Variants in KCNT1 observed in about 807,000 individuals in gnomAD.
The protein encoded by KCNT1 is potassium channel subfamily T member 1.
Under a neutral mutation model 147.8 loss-of-function variants are expected in KCNT1, and 78 were observed. The ratio of observed to expected loss-of-function variants is 0.53; its 90% CI spans 0.44 to 0.64. The LOEUF is 0.64. KCNT1 is among the 30% of genes least tolerant of loss of function. KCNT1 has a pLI of 0.00. For missense variants in KCNT1, 1,419 were observed against 1,750.3 expected, an observed-to-expected ratio of 0.81 and a Z score of 3.38; for synonymous variants, 867 against 748.8, an observed-to-expected ratio of 1.16 and a Z score of -2.58.
chr9:135,719,909 C>A (rs575981292), intron 2 of KCNT1, among the ~76,000 whole-genome samples: 4 of 152,212 alleles, frequency 2.6e-5, no homozygotes, highest in African/African-American at 9.7e-5. Flanking sequence ...CAGGCTGTTT[C>A]ATTAGCTCCT....
rs1043585373 is a variant in KCNT1, at chr9:135,752,089, T to C, written c.434+1048T>C. On this transcript the variant is annotated intron_variant, in intron 4 of 30. Coordinates refer to ENST00000371757, the MANE Select transcript of KCNT1 (RefSeq NM_020822.3). The surrounding 1 kb of genome is among the most constrained non-coding windows in gnomAD (Gnocchi z 5.1). ...GTCTGGTGCCGTTTATGCGTAAGAG[T>C]GCTCAGGCGCTGAGGGGCTCTGCAG... The C allele has an allele frequency of 3.0e-5, 8 of 268,724 alleles. No homozygotes were observed. The highest frequency in any genetic ancestry group is 1.8e-4 in the African/African-American group (8 of 44,638). 16.6% of individuals were successfully genotyped at this position (268,724 alleles called of 1,614,324 possible). A position where few individuals can be genotyped will look rare whatever the true frequency, so the allele number is the denominator to read the frequency against.
chr9:135,777,256 T>C (rs1039311626), intron 20 of KCNT1, 82 bp from the exon 21 acceptor site: 1 of 1,438,194 alleles, frequency 7.0e-7, no homozygotes, highest in South Asian at 1.3e-5. Context: ...GGGGGATGTT[T>C]GGTGAGGGGT....
Position 135,757,234 on chromosome 9 carries a change from G to C in KCNT1, c.675+4G>C, listed in dbSNP as rs794727929. On this transcript the variant is annotated splice_donor_region_variant and intron_variant, in intron 8 of 30. Coordinates refer to ENST00000371757, the MANE Select transcript of KCNT1 (RefSeq NM_020822.3). ...CACTCTGCCCTTCATCATCACGGTG[G>C]GTGAGCCCCAGCTGCCAGGAGTGCG... 1 of 1,612,768 alleles carries C rather than the reference G, an allele frequency of 6.2e-7. No individual in the cohort carries two copies.
rs758931831 is a variant in KCNT1, at chr9:135,770,410, A to G, written c.1732A>G (p.Lys578Glu). 6.2e-7 allele frequency: 1 copy of G among 1,613,154 alleles called. No individual in the cohort carries two copies. The highest frequency in any genetic ancestry group is 8.5e-7 in the Non-Finnish European group (1 of 1,179,708). Residue 578 changes from lysine (K) to glutamate (E), a missense_variant, in exon 17 of 31, where the codon AAG becomes GAG. Coordinates refer to ENST00000371757, the MANE Select transcript of KCNT1 (RefSeq NM_020822.3). ...DSKFFREYEG[K>E]SFTYAAFHAH... ...CAAGTTCTTCCGCGAGTACGAGGGC[A>G]AGAGCTTCACCTACGCGGCCTTCCA...
intron 29 of KCNT1, 76 bp from the exon 30 acceptor site, chr9:135,791,721 C>G: frequency 7.8e-7 from 1 of 1,277,266 alleles, no homozygotes; most frequent in Non-Finnish European, 1.1e-6. Context: ...CTGGAGCCCC[C>G]ACACCTCTGG....
chr9:135,750,283 C>T lies in KCNT1; in HGVS notation c.334+106C>T, dbSNP rs1034102170. The T allele has an allele frequency of 4.7e-5, 41 of 873,654 alleles. 2 individuals are homozygous for T. The Middle Eastern group carries it at 1.1e-3, about 24-fold the overall frequency. The allele number at this position is 873,654 out of a possible 1,614,324, so 54.1% of individuals were successfully genotyped here. On this transcript the variant is annotated intron_variant, in intron 3 of 30. Coordinates refer to ENST00000371757, the MANE Select transcript of KCNT1 (RefSeq NM_020822.3). ...TGGGGCTGTGAGCTCAGGGAGAGTCCATGGGGTGGGAGCCACCTGAGTGCT... is the reference window on the plus strand; with the variant it reads ...TGGGGCTGTGAGCTCAGGGAGAGTCTATGGGGTGGGAGCCACCTGAGTGCT...
At chr9:135,721,066 C>T (rs529290154) in intron 2 of KCNT1, among the ~76,000 whole-genome samples, 2 of 152,324 alleles carry the variant, frequency 1.3e-5, no homozygotes, top group African/African-American at 4.8e-5. Context: ...GTCGGGGAAC[C>T]ATGCAGGGTG....
At chr9:135,777,622 G>A in intron 21 of KCNT1, 112 bp downstream of exon 21, 2 of 1,009,458 alleles carry the variant, frequency 2.0e-6, no homozygotes, top group Non-Finnish European at 2.9e-6. Context: ...CGGGAACATG[G>A]GGCCTCTGGC....
intron 2 of KCNT1, among the ~76,000 whole-genome samples, chr9:135,747,344 G>A (rs1325671684): frequency 2.0e-5 from 3 of 151,978 alleles, no homozygotes; most frequent in Admixed American, 2.0e-4. Context: ...CAGTGGTAGG[G>A]AGGCGGGGAG....
rs149022298 is a variant in KCNT1, at chr9:135,719,861, C to T, written c.254+5141C>T. On this transcript the variant is annotated intron_variant, in intron 2 of 30. Coordinates refer to ENST00000371757, the MANE Select transcript of KCNT1 (RefSeq NM_020822.3). ...ACAGAAAGCCCGGCCCCAGTGCAGG[C>T]CTCCCGGGGTCAGAACACTGCCCCA... is the stretch of plus-strand genomic sequence containing the variant. 7.9e-5 allele frequency among the ~76,000 whole-genome samples: 12 copies of T among 152,320 alleles called. No individual in the cohort carries two copies. In the East Asian group the frequency reaches 2.3e-3, roughly 29 times the overall value.
In KCNT1 at chr9:135,770,986, G is replaced by A. The variant is rs371135108; in HGVS notation, c.1899G>A (p.Ser633=). 221 of 1,613,792 alleles carry A rather than the reference G, an allele frequency of 1.4e-4. 1 individual carries two copies. The highest frequency in any genetic ancestry group is 4.4e-4 in the South Asian group (40 of 91,034). ...TCAACATCACCAAGGAGGAGAACTC[G>A]GCCTTCATCTTCAAGCAGGAGGAGA... ...FYINITKEEN[S]AFIFKQEEKR... Residue 633 remains serine, a synonymous_variant, in exon 18 of 31, where the codon TCG becomes TCA. Transcript: ENST00000371757.
intron 2 of KCNT1, among the ~76,000 whole-genome samples, chr9:135,727,300 TC>T (rs766294852): frequency 0.061 from 6,061 of 99,674 alleles, 353 homozygotes; most frequent in Non-Finnish European, 0.073. Flanking sequence ...TCCCTGTCCC[TC>T]TCTTTCCCAT....
chr9:135,779,534 C>A, intron 24 of KCNT1, 64 bp downstream of exon 24: 1 of 1,261,080 alleles, frequency 7.9e-7, no homozygotes, highest in Non-Finnish European at 1.2e-6. Flanking sequence ...GAGAAAGGGG[C>A]TCAGGGGAAA....
At chr9:135,737,012 G>A (rs1830371105) in intron 2 of KCNT1, 1 of 272,786 alleles carries the variant, frequency 3.7e-6, no homozygotes, top group Non-Finnish European at 6.9e-6. Flanking sequence ...ACACGGCGGG[G>A]CTGCAGGTGA....
At chr9:135,767,148 A>G (rs531114997) in intron 13 of KCNT1, among the ~76,000 whole-genome samples, 105 of 149,970 alleles carry the variant, frequency 7.0e-4, no homozygotes, top group African/African-American at 2.6e-3. Flanking sequence ...TCTCCTCATC[A>G]CTCCCCCTCC....
At position 135,758,577 on chromosome 9, in the gene KCNT1, C is replaced by G. The variant is rs528121973; in HGVS notation, c.854+69C>G. On this transcript the variant is annotated intron_variant, in intron 10 of 30. Coordinates refer to ENST00000371757, the MANE Select transcript of KCNT1 (RefSeq NM_020822.3). ...GGCCCGAGAGGCAAGCAGGGCCGGG[C>G]GAGGGGATACAGATGCCTATGTCCA... 58 of 1,258,422 alleles carry G rather than the reference C, an allele frequency of 4.6e-5. No homozygotes were observed. The African/African-American group carries it at 7.6e-4, about 17-fold the overall frequency. 78.0% of individuals were successfully genotyped at this position (1,258,422 alleles called of 1,614,324 possible). A position where few individuals can be genotyped will look rare whatever the true frequency, so the allele number is the denominator to read the frequency against.
Position 135,714,816 on chromosome 9 carries a change from C to T in KCNT1, c.254+96C>T. On this transcript the variant is annotated intron_variant, in intron 2 of 30. Coordinates refer to ENST00000371757, the MANE Select transcript of KCNT1 (RefSeq NM_020822.3). This position sits in a 1 kb window ranked among gnomAD's most constrained non-coding sequence, Gnocchi z 6.2. ...GGTGCTGACGGCCGGTCCCGCGCGC[C>T]CCCGCAGCCGCCGGCGCCCTTCAAC... 1.1e-6 allele frequency: 1 copy of T among 913,530 alleles called. No homozygotes were observed. Among genetic ancestry groups the T allele is most frequent in the Non-Finnish European group, 1.4e-6 (1 of 730,288 alleles). The allele number at this position is 913,530 out of a possible 1,614,324, so 56.6% of individuals were successfully genotyped here. A position where few individuals can be genotyped will look rare whatever the true frequency, so the allele number is the denominator to read the frequency against.
In KCNT1 at chr9:135,794,420, G is replaced by GGTGGCAA. The variant is rs905645205; in HGVS notation, c.*2266_*2272dup. ...AGTGGTCCGTTCCCTCCTGCACACT[G>GGTGGCAA]GTGGCAAGTGGCAGCATTTTTTCAT... On this transcript the variant is annotated 3_prime_UTR_variant, in exon 31 of 31. Transcript: ENST00000371757. 3.3e-5 allele frequency: 5 copies of GGTGGCAA among 152,252 alleles called. No individual in the cohort carries two copies. Among genetic ancestry groups the GGTGGCAA allele is most frequent in the Admixed American group, 3.3e-4 (5 of 15,286 alleles). The allele number at this position is 152,252 out of a possible 1,614,324, so 9.4% of individuals were successfully genotyped here.
Position 135,757,423 on chromosome 9 carries a change from A to C in KCNT1, c.759+42A>C, listed in dbSNP as rs974185561. ...GGTGCAGCTGGGACTTGGGGGGGCC[A>C]CCCTCAGCCTCACCGGCCCTGGAAG... On this transcript the variant is annotated intron_variant, in intron 9 of 30. Coordinates refer to ENST00000371757, the MANE Select transcript of KCNT1 (RefSeq NM_020822.3). The C allele has an allele frequency of 1.9e-5, 29 of 1,555,934 alleles. 1 individual carries two copies. The African/African-American group carries it at 1.9e-4, about 10-fold the overall frequency.
Sources: gnomAD v4.1 joint callset for allele counts (sites outside exome capture counted in the v4.1 genomes callset) on GRCh38, gnomAD v4.1.1 for gene constraint, Gnocchi (gnomAD v3.1) non-coding constraint, MANE v1.5 for transcripts, NCBI Gene and HGNC (gene_info 2026-07-23, HGNC 2026-07-21) for gene names.